Variants in PPFIBP1 observed in about 807,000 individuals in gnomAD.
The protein encoded by PPFIBP1 is liprin-beta-1.
Under a neutral mutation model 137.8 loss-of-function variants are expected in PPFIBP1, and 112 were observed. That is an observed-to-expected ratio of 0.81 (90% CI 0.70 to 0.95). The LOEUF is 0.95. Among genes scored for constraint, PPFIBP1 ranks in the 40% least tolerant of loss-of-function variants. The pLI, the probability that PPFIBP1 is intolerant of heterozygous loss-of-function variation, is 0.00. For synonymous variants in PPFIBP1, 378 were observed against 417.3 expected (o/e 0.91, Z 1.15); for missense variants, 1,083 against 1,196.6 (o/e 0.91, Z 1.40).
intron 1 of PPFIBP1, among the ~76,000 whole-genome samples, chr12:27,549,920 C>T (rs938659847): frequency 6.6e-6 from 1 of 152,138 alleles, no homozygotes; most frequent in Non-Finnish European, 1.5e-5. Flanking sequence ...TCGCCTCTTT[C>T]GTAAGCTGAT....
At chr12:27,551,608 C>T (rs575809474) in intron 1 of PPFIBP1, among the ~76,000 whole-genome samples, 1 of 152,278 alleles carries the variant, frequency 6.6e-6, no homozygotes, top group Non-Finnish European at 1.5e-5. Flanking sequence ...TGGAGATGAA[C>T]AGCTGGGTAT....
intron 11 of PPFIBP1, among the ~76,000 whole-genome samples, chr12:27,663,929 A>T (rs1254271167): frequency 2.0e-5 from 3 of 152,182 alleles, no homozygotes; most frequent in African/African-American, 7.2e-5. Flanking sequence ...AGAGGGGAGA[A>T]GCCAGATGGT....
At chr12:27,646,386 GC>G (rs2058490813) in intron 5 of PPFIBP1, 1 of 539,228 alleles carries the variant, frequency 1.9e-6, no homozygotes, top group African/African-American at 1.9e-5. Context: ...CTGAATACGG[GC>G]ACAATGTTGT....
At chr12:27,570,277 A>C (rs2050030359) in intron 1 of PPFIBP1, among the ~76,000 whole-genome samples, 2 of 152,180 alleles carry the variant, frequency 1.3e-5, no homozygotes, top group Admixed American at 1.3e-4. Context: ...TCGAATATGC[A>C]GTTCTGTTAG....
intron 12 of PPFIBP1, among the ~76,000 whole-genome samples, chr12:27,665,682 C>T (rs867735554): frequency 6.6e-6 from 1 of 152,146 alleles, no homozygotes; most frequent in Non-Finnish European, 1.5e-5. Flanking sequence ...TTGCTCGCAA[C>T]GTAAGCACTG....
chr12:27,635,547 C>G (rs1011366524), intron 4 of PPFIBP1: 29 of 207,688 alleles, frequency 1.4e-4, no homozygotes, highest in African/African-American at 6.7e-4. Context: ...CAGTATTTGA[C>G]CGGAAGTGCC....
In PPFIBP1 at chr12:27,619,073, C is replaced by T. The variant is rs191362040; in HGVS notation, c.-35-14289C>T. ...AGTGCTATAGGAGTACTTGATGATG[C>T]GGTAATCTTCCTTGAGTATTCTGCC... is the stretch of plus-strand genomic sequence containing the variant. On this transcript the variant is annotated intron_variant, in intron 2 of 29. Coordinates refer to ENST00000228425, the MANE Select transcript of PPFIBP1 (RefSeq NM_003622.4). 2.7e-3 allele frequency among the ~76,000 whole-genome samples: 410 copies of T among 152,132 alleles called. 2 individuals carry two copies. The highest frequency in any genetic ancestry group is 3.7e-3 in the African/African-American group (155 of 41,504).
At chr12:27,681,423 A>G in intron 21 of PPFIBP1, 123 bp from the exon 22 acceptor site, 3 of 1,126,108 alleles carry the variant, frequency 2.7e-6, no homozygotes, top group Middle Eastern at 2.6e-4. Context: ...TAAGCTTTTC[A>G]TGGTCAAATG....
chr12:27,593,801 G>A, intron 2 of PPFIBP1: 3 of 1,081,384 alleles, frequency 2.8e-6, no homozygotes, highest in Non-Finnish European at 3.9e-6. Context: ...AAAACTGTCT[G>A]GTTCGTCCTG....
chr12:27,563,388 C>T (rs1592490720), intron 1 of PPFIBP1, among the ~76,000 whole-genome samples: 2 of 140,754 alleles, frequency 1.4e-5, no homozygotes, highest in South Asian at 2.3e-4. Context: ...ACCTGGGAGG[C>T]GGAGTTTGCA....
At chr12:27,585,133 G>A (rs371679573) in intron 2 of PPFIBP1, among the ~76,000 whole-genome samples, 4 of 152,190 alleles carry the variant, frequency 2.6e-5, no homozygotes, top group African/African-American at 9.7e-5. Context: ...CCCCTGGCAC[G>A]TTAATGTTCA....
Position 27,693,340 on chromosome 12 carries a change from A to C in PPFIBP1, c.*458A>C, listed in dbSNP as rs1267122972. ...AGTGTGCCCACTAAATGCCAGCCAC[A>C]CCTCCACTTGCCTCTTATTGTCTTA... On this transcript the variant is annotated 3_prime_UTR_variant, in exon 30 of 30. Coordinates refer to ENST00000228425, the MANE Select transcript of PPFIBP1 (RefSeq NM_003622.4). 6.5e-6 allele frequency: 1 copy of C among 152,976 alleles called. No homozygotes were observed. Among genetic ancestry groups the C allele is most frequent in the Non-Finnish European group, 1.5e-5 (1 of 68,534 alleles). The allele number at this position is 152,976 out of a possible 1,614,324, so 9.5% of individuals were successfully genotyped here.
At chr12:27,549,331 C>T (rs1946531773) in intron 1 of PPFIBP1, 1 of 152,168 alleles carries the variant, frequency 6.6e-6, no homozygotes, top group African/African-American at 2.4e-5. Flanking sequence ...GCACATCTTC[C>T]TCTGACTTCT....
In PPFIBP1 at chr12:27,682,599, G is replaced by A. The variant is rs1566009654; in HGVS notation, c.2159-16G>A. On this transcript the variant is annotated splice_polypyrimidine_tract_variant and intron_variant, in intron 23 of 29. Transcript: ENST00000228425. ...TGTTTTGTGGCATGGTAGCAACACTGGCCTCTCTCTTTTAGGATGGTTGGA... is the reference window on the plus strand; with the variant it reads ...TGTTTTGTGGCATGGTAGCAACACTAGCCTCTCTCTTTTAGGATGGTTGGA... The A allele has an allele frequency of 1.9e-6, 3 of 1,613,652 alleles. No homozygotes were observed. Among genetic ancestry groups the A allele is most frequent in the Non-Finnish European group, 2.5e-6 (3 of 1,179,746 alleles).
At position 27,673,846 on chromosome 12, in the gene PPFIBP1, G is replaced by T. The variant is rs770438509; in HGVS notation, c.1380+19G>T. On this transcript the variant is annotated intron_variant, in intron 16 of 29. Coordinates refer to ENST00000228425, the MANE Select transcript of PPFIBP1 (RefSeq NM_003622.4). ...TGATGGGGTGGGTTCTGTGTTTTTT[G>T]TTTTTTTTTGTCTGTTATCCTGAGA... 21 of 1,583,006 alleles carry T rather than the reference G, an allele frequency of 1.3e-5. No homozygotes were observed. In the Admixed American group the frequency reaches 1.5e-4, roughly 11 times the overall value.
chr12:27,597,025 A>G (rs2053391680), intron 2 of PPFIBP1, among the ~76,000 whole-genome samples: 1 of 152,056 alleles, frequency 6.6e-6, no homozygotes, highest in Non-Finnish European at 1.5e-5. Context: ...AAATAAACCC[A>G]TGTTCTGGTT....
chr12:27,533,383 C>T (rs985852884), intron 1 of PPFIBP1, among the ~76,000 whole-genome samples: 1 of 152,140 alleles, frequency 6.6e-6, no homozygotes, highest in African/African-American at 2.4e-5. Flanking sequence ...ACTCTAAGCA[C>T]CTTAAATATT....
intron 1 of PPFIBP1, among the ~76,000 whole-genome samples, chr12:27,550,991 A>ATATATTTT (rs375148048): frequency 1.3e-4 from 18 of 136,712 alleles, no homozygotes; most frequent in African/African-American, 2.2e-4. Flanking sequence ...ATATATATAT[A>ATATATTTT]TTTTTTTTTT....
chr12:27,647,896 T>C (rs2058636931), intron 6 of PPFIBP1, 54 bp downstream of exon 6: 2 of 1,558,982 alleles, frequency 1.3e-6, no homozygotes, highest in African/African-American at 1.4e-5. Context: ...CTATGTGAGA[T>C]GCTGCATTTC....
Sources: gnomAD v4.1 joint callset for allele counts (sites outside exome capture counted in the v4.1 genomes callset) on GRCh38, gnomAD v4.1.1 for gene constraint, MANE v1.5 for transcripts, NCBI Gene and HGNC (gene_info 2026-07-23, HGNC 2026-07-21) for gene names.